The following CDH13 variants were observed in gnomAD, a reference collection of about 807,000 sequenced individuals.
The protein encoded by CDH13 is cadherin 13, also known as cadherin-13.
A neutral mutation model predicts 63.8 loss-of-function variants in CDH13; 24 were observed. The observed-to-expected ratio is 0.38, with a 90% CI of 0.27 to 0.53. The LOEUF (loss-of-function observed/expected upper bound fraction) is 0.53, where lower values mean the gene tolerates loss of function less well. Among genes scored for constraint, CDH13 ranks in the 20% least tolerant of loss-of-function variants. The pLI is 0.85. For missense variants in CDH13, 1,049 were observed against 903.1 expected (o/e 1.16, Z -2.07); for synonymous variants, 503 against 355.3 (o/e 1.42, Z -4.67).
intron 7 of CDH13, among the ~76,000 whole-genome samples, chr16:83,532,065 G>C (rs1042267502): frequency 1.3e-5 from 2 of 152,146 alleles, no homozygotes; most frequent in Non-Finnish European, 2.9e-5. Context: ...CATGAGATCT[G>C]ATGGTTTTAT....
At chr16:83,082,688 C>G (rs1039699209) in intron 3 of CDH13, among the ~76,000 whole-genome samples, 21 of 152,044 alleles carry the variant, frequency 1.4e-4, no homozygotes, top group African/African-American at 5.1e-4. Flanking sequence ...TCTCACTAAA[C>G]TGGAGCAATG....
intron 7 of CDH13, among the ~76,000 whole-genome samples, chr16:83,562,332 A>G (rs971384909): frequency 1.3e-5 from 2 of 152,194 alleles, no homozygotes; most frequent in African/African-American, 4.8e-5. Flanking sequence ...TACTACCAGA[A>G]TAGAAAAAAA....
chr16:82,734,958 G>A (rs1415323504), intron 1 of CDH13, among the ~76,000 whole-genome samples: 1 of 152,162 alleles, frequency 6.6e-6, no homozygotes, highest in African/African-American at 2.4e-5. Flanking sequence ...AGCACATAGA[G>A]GATGTAGGGA....
At position 82,652,323 on chromosome 16, in the gene CDH13, C is replaced by G. The variant is rs192859760; in HGVS notation, c.45+25186C>G. ...GTTCTCAGAAGGTTCTGTTTCTCACCTGGGCCAGGATTGTGCCTGTGGTTT... is the reference window on the plus strand; with the variant it reads ...GTTCTCAGAAGGTTCTGTTTCTCACGTGGGCCAGGATTGTGCCTGTGGTTT... On this transcript the variant is annotated intron_variant, in intron 1 of 13. Transcript: ENST00000567109. 6.5e-3 allele frequency among the ~76,000 whole-genome samples: 994 copies of G among 152,288 alleles called. 9 individuals are homozygous for G. Among genetic ancestry groups the G allele is most frequent in the African/African-American group, 0.023 (946 of 41,558 alleles).
chr16:83,368,623 G>A (rs910489223), intron 6 of CDH13, among the ~76,000 whole-genome samples: 12 of 151,498 alleles, frequency 7.9e-5, no homozygotes, highest in East Asian at 5.8e-4. Flanking sequence ...CCCATCACCC[G>A]AGCAGTGTCC....
intron 1 of CDH13, among the ~76,000 whole-genome samples, chr16:82,782,712 A>C (rs1470939032): frequency 6.6e-6 from 1 of 152,192 alleles, no homozygotes; most frequent in East Asian, 1.9e-4. Context: ...ACAAAATGCC[A>C]AGAACAAAAG....
intron 5 of CDH13, among the ~76,000 whole-genome samples, chr16:83,302,449 A>T (rs1401376265): frequency 6.6e-6 from 1 of 152,234 alleles, no homozygotes; most frequent in Non-Finnish European, 1.5e-5. Flanking sequence ...CCCAACATTT[A>T]TGTCAAGAAG....
chr16:83,667,736 C>A (rs1914126534), intron 8 of CDH13, among the ~76,000 whole-genome samples: 1 of 152,184 alleles, frequency 6.6e-6, no homozygotes, highest in Admixed American at 6.5e-5. Flanking sequence ...TAGCTCACTG[C>A]AGCCTCAAAC....
chr16:82,982,186 A>C (rs1910355179), intron 2 of CDH13, among the ~76,000 whole-genome samples: 1 of 152,174 alleles, frequency 6.6e-6, no homozygotes, highest in South Asian at 2.1e-4. Flanking sequence ...AAGGTATATG[A>C]ATTAATTCAT....
At chr16:82,731,735 C>T (rs2033413929) in intron 1 of CDH13, among the ~76,000 whole-genome samples, 3 of 152,136 alleles carry the variant, frequency 2.0e-5, no homozygotes, top group African/African-American at 4.8e-5. Flanking sequence ...AATCAATTGG[C>T]TGTGTGTACA....
At chr16:83,213,204 A>C (rs1187402629) in intron 4 of CDH13, among the ~76,000 whole-genome samples, 2 of 152,200 alleles carry the variant, frequency 1.3e-5, no homozygotes, top group Non-Finnish European at 2.9e-5. Flanking sequence ...CAACTCAGCT[A>C]GGTCCTGCCT....
intron 1 of CDH13, among the ~76,000 whole-genome samples, chr16:82,721,782 G>C (rs1241483159): frequency 6.6e-6 from 1 of 152,154 alleles, no homozygotes; most frequent in African/African-American, 2.4e-5. Flanking sequence ...TACTTCCAGT[G>C]AGCTAAGTTT....
At chr16:83,549,301 C>T (rs768739815) in intron 7 of CDH13, among the ~76,000 whole-genome samples, 2 of 152,194 alleles carry the variant, frequency 1.3e-5, no homozygotes, top group African/African-American at 2.4e-5. Context: ...CACCCCACCT[C>T]TCATTCTTCT....
At chr16:83,144,281 C>G (rs986460407) in intron 4 of CDH13, among the ~76,000 whole-genome samples, 9 of 152,206 alleles carry the variant, frequency 5.9e-5, no homozygotes, top group Non-Finnish European at 7.3e-5. Context: ...GCGGTTGACA[C>G]TCTTCCAAAT....
intron 7 of CDH13, among the ~76,000 whole-genome samples, chr16:83,557,676 T>A (rs1490490044): frequency 6.6e-6 from 1 of 151,946 alleles, no homozygotes; most frequent in East Asian, 1.9e-4. Context: ...TACTGGGAGG[T>A]GTCTCAGCAG....
intron 1 of CDH13, among the ~76,000 whole-genome samples, chr16:82,713,705 C>G (rs528991082): frequency 6.7e-6 from 1 of 148,618 alleles, no homozygotes; most frequent in South Asian, 2.1e-4. Context: ...GTGGTGTGCT[C>G]TTTGAATATT....
chr16:82,661,989 T>C (rs1248387626), intron 1 of CDH13, among the ~76,000 whole-genome samples: 1 of 152,220 alleles, frequency 6.6e-6, no homozygotes, highest in African/African-American at 2.4e-5. Flanking sequence ...GAGAGGAATT[T>C]TAAGGGCTCC....
chr16:83,439,134 T>G (rs1369523106), intron 6 of CDH13, among the ~76,000 whole-genome samples: 1 of 152,238 alleles, frequency 6.6e-6, no homozygotes, highest in Non-Finnish European at 1.5e-5. Flanking sequence ...GAACCTCCAT[T>G]TCTTCAACTT....
intron 8 of CDH13, among the ~76,000 whole-genome samples, chr16:83,632,633 T>C (rs1910888330): frequency 1.3e-5 from 2 of 150,634 alleles, no homozygotes. Context: ...ATATTACTGA[T>C]AATGATCAAT....
Sources: gnomAD v4.1 joint callset for allele counts (sites outside exome capture counted in the v4.1 genomes callset) on GRCh38, gnomAD v4.1.1 for gene constraint, MANE v1.5 for transcripts, NCBI Gene and HGNC (gene_info 2026-07-23, HGNC 2026-07-21) for gene names.